EXT1: variants seen among roughly 807,000 people sequenced by gnomAD.
The protein encoded by EXT1 is exostosin glycosyltransferase 1.
Under a neutral mutation model 82.5 loss-of-function variants are expected in EXT1, and 20 were observed. That is an observed-to-expected ratio of 0.24 (90% CI 0.17 to 0.35). EXT1 has a LOEUF of 0.35. Ranked by LOEUF, EXT1 falls within the 10% of genes least tolerant of loss-of-function variation. The pLI is 1.00. For synonymous variants in EXT1, 348 were observed against 350.8 expected (o/e 0.99, Z 0.09); for missense variants, 757 against 936.5 (o/e 0.81, Z 2.50).
At chr8:117,955,094 T>C (rs925625315) in intron 1 of EXT1, among the ~76,000 whole-genome samples, 1 of 152,190 alleles carries the variant, frequency 6.6e-6, no homozygotes, top group African/African-American at 2.4e-5. Context: ...AAAAAGGACA[T>C]AATGGATACA....
At chr8:117,968,545 ATTTATTTATTTTTTTTTTTTT>A (rs1814870462) in intron 1 of EXT1, among the ~76,000 whole-genome samples, 1 of 73,054 alleles carries the variant, frequency 1.4e-5, no homozygotes, top group Admixed American at 1.3e-4. Flanking sequence ...TTATTTATTT[ATTTATTTATTTTTTTTTTTTT>A]TTTTTTTTTT....
In EXT1 at chr8:118,111,142, T is replaced by G; in HGVS notation, c.-96A>C. On this transcript the variant is annotated 5_prime_UTR_variant, in exon 1 of 11. Transcript: ENST00000378204. ...AGCTCCAGTCCGCCATCTTCCCGCC[T>G]GTAAAGACTTCAAACTCTCCGCTCC... 6.6e-7 allele frequency: 1 copy of G among 1,511,186 alleles called. No homozygotes were observed. Among genetic ancestry groups the G allele is most frequent in the Non-Finnish European group, 8.9e-7 (1 of 1,125,316 alleles). The allele number at this position is 1,511,186 out of a possible 1,614,324, so 93.6% of individuals were successfully genotyped here.
At chr8:117,873,037 G>A (rs1436123497) in intron 1 of EXT1, among the ~76,000 whole-genome samples, 2 of 152,172 alleles carry the variant, frequency 1.3e-5, no homozygotes, top group African/African-American at 4.8e-5. Context: ...GGATGATGAT[G>A]TGGAGCTTTT....
intron 1 of EXT1, among the ~76,000 whole-genome samples, chr8:117,891,229 AC>A (rs764879517): frequency 1.3e-4 from 20 of 152,256 alleles, no homozygotes; most frequent in Non-Finnish European, 2.4e-4. Flanking sequence ...AATCAAGATT[AC>A]AATGAGGCTT....
At chr8:117,834,803 T>A (rs912958800) in intron 3 of EXT1, among the ~76,000 whole-genome samples, 1 of 152,198 alleles carries the variant, frequency 6.6e-6, no homozygotes, top group African/African-American at 2.4e-5. Flanking sequence ...GCAACTTGTG[T>A]TGATCCTAAA....
intron 1 of EXT1, among the ~76,000 whole-genome samples, chr8:117,997,048 T>C (rs930281983): frequency 2.6e-5 from 4 of 152,092 alleles, no homozygotes; most frequent in Non-Finnish European, 5.9e-5. Context: ...ACACCCACAA[T>C]ACCTTTAGCA....
intron 1 of EXT1, among the ~76,000 whole-genome samples, chr8:117,906,505 T>G (rs772550734): frequency 6.6e-6 from 1 of 152,202 alleles, no homozygotes; most frequent in Non-Finnish European, 1.5e-5. Context: ...TGAAATCTAT[T>G]AGTCATTCCC....
chr8:117,912,477 ATAAT>A (rs1813666185), intron 1 of EXT1, among the ~76,000 whole-genome samples: 1 of 152,222 alleles, frequency 6.6e-6, no homozygotes, highest in South Asian at 2.1e-4. Flanking sequence ...GATCTTGAAA[ATAAT>A]TAATTTCAGT....
intron 1 of EXT1, among the ~76,000 whole-genome samples, chr8:118,040,184 C>A (rs1816503540): frequency 6.6e-6 from 1 of 152,078 alleles, no homozygotes; most frequent in Admixed American, 6.6e-5. Flanking sequence ...TCAAAAAAGC[C>A]TGCTGGCCTA....
At chr8:118,094,664 T>G (rs960793770) in intron 1 of EXT1, among the ~76,000 whole-genome samples, 2 of 152,254 alleles carry the variant, frequency 1.3e-5, no homozygotes, top group Admixed American at 6.5e-5. Flanking sequence ...ATCTCCATTT[T>G]ACAAGTGAAG....
At chr8:117,809,932 C>T (rs1013015593) in intron 8 of EXT1, among the ~76,000 whole-genome samples, 40 of 152,280 alleles carry the variant, frequency 2.6e-4, no homozygotes, top group Non-Finnish European at 5.6e-4. Context: ...GCACTAGCAA[C>T]TACTACAGAA....
At chr8:117,905,388 T>G (rs4391466) in intron 1 of EXT1, among the ~76,000 whole-genome samples, 5 of 152,090 alleles carry the variant, frequency 3.3e-5, no homozygotes, top group Non-Finnish European at 7.4e-5. Flanking sequence ...CAAGTCCTGT[T>G]GTTTTAATAT....
At chr8:118,101,342 C>T (rs965799793) in intron 1 of EXT1, among the ~76,000 whole-genome samples, 6 of 152,190 alleles carry the variant, frequency 3.9e-5, no homozygotes, top group African/African-American at 1.4e-4. Flanking sequence ...CAAAAAGAGG[C>T]TGTGTATCCT....
chr8:117,858,796 A>AGGCAGGC (rs1328468656), intron 1 of EXT1, among the ~76,000 whole-genome samples: 3 of 93,618 alleles, frequency 3.2e-5, no homozygotes, highest in Non-Finnish European at 4.1e-5. Flanking sequence ...CAGGCAAGGC[A>AGGCAGGC]AGGCAAGGCA....
At chr8:117,869,655 C>G (rs1812836919) in intron 1 of EXT1, among the ~76,000 whole-genome samples, 1 of 152,116 alleles carries the variant, frequency 6.6e-6, no homozygotes, top group Non-Finnish European at 1.5e-5. Flanking sequence ...ATCTTAATGT[C>G]AAACGCAATA....
At chr8:117,938,372 G>A (rs1814209510) in intron 1 of EXT1, among the ~76,000 whole-genome samples, 1 of 152,202 alleles carries the variant, frequency 6.6e-6, no homozygotes. Flanking sequence ...TGAGGTGGGA[G>A]AATTGCTTGA....
chr8:118,088,304 C>A (rs2635278), intron 1 of EXT1, among the ~76,000 whole-genome samples: 2 of 152,236 alleles, frequency 1.3e-5, no homozygotes, highest in South Asian at 4.2e-4. Flanking sequence ...CACATTAACT[C>A]TTCTTTATGA....
At chr8:117,957,799 G>GC (rs1814619527) in intron 1 of EXT1, among the ~76,000 whole-genome samples, 1 of 152,132 alleles carries the variant, frequency 6.6e-6, no homozygotes, top group African/African-American at 2.4e-5. Flanking sequence ...TTCCTTCTCT[G>GC]TGTCCAGTTC....
chr8:118,022,672 A>C (rs1301684148), intron 1 of EXT1, among the ~76,000 whole-genome samples: 1 of 151,944 alleles, frequency 6.6e-6, no homozygotes, highest in African/African-American at 2.4e-5. Flanking sequence ...AATTCCTCTT[A>C]GGATCAGCTT....
Sources: allele counts gnomAD v4.1 joint callset (sites outside exome capture counted in the v4.1 genomes callset), GRCh38; gene constraint gnomAD v4.1.1; transcripts MANE v1.5; gene names NCBI Gene and HGNC (gene_info 2026-07-23, HGNC 2026-07-21).